COL17A1: variants seen among roughly 807,000 people sequenced by gnomAD.
COL17A1 encodes the protein collagen alpha-1(XVII) chain.
Under a neutral mutation model 218.4 loss-of-function variants are expected in COL17A1, and 181 were observed. The ratio of observed to expected loss-of-function variants is 0.83; its 90% CI spans 0.73 to 0.94. The LOEUF (loss-of-function observed/expected upper bound fraction) is 0.94. Ranked by LOEUF, COL17A1 falls within the 40% of genes least tolerant of loss-of-function variation. The pLI is 0.00. For missense variants in COL17A1, 1,924 were observed against 1,945.9 expected (o/e 0.99, Z 0.21); for synonymous variants, 721 against 731.0 (o/e 0.99, Z 0.22).
chr10:104,061,748 G>T (rs994772668), intron 12 of COL17A1, among the ~76,000 whole-genome samples: 1 of 152,150 alleles, frequency 6.6e-6, no homozygotes, highest in African/African-American at 2.4e-5. Context: ...CACCTGCTCT[G>T]CATGGCCTAT....
At chr10:104,040,959 G>C in intron 39 of COL17A1, 106 bp downstream of exon 39, 3 of 1,220,300 alleles carry the variant, frequency 2.5e-6, no homozygotes, top group Non-Finnish European at 2.4e-6. Flanking sequence ...GAAGTCAGGA[G>C]CAGGAAGCCT....
intron 15 of COL17A1, among the ~76,000 whole-genome samples, chr10:104,058,659 C>G (rs1291474343): frequency 6.6e-6 from 1 of 152,152 alleles, no homozygotes; most frequent in Non-Finnish European, 1.5e-5. Context: ...TTAGGCCAGG[C>G]ACGGTGACTC....
In COL17A1 at chr10:104,037,705, C is replaced by A; in HGVS notation, c.3139G>T (p.Val1047Phe). The A allele has an allele frequency of 6.2e-7, 1 of 1,614,182 alleles. No individual in the cohort carries two copies. Among genetic ancestry groups the A allele is most frequent in the African/African-American group, 1.3e-5 (1 of 75,042 alleles). Reference sequence around the variant, plus strand: ...AAAGTCTCGCCTGTGATGGTGGTGACAGGTCCTGGGGGACCAGGTGGGCCT... The same window carrying A: ...AAAGTCTCGCCTGTGATGGTGGTGAAAGGTCCTGGGGGACCAGGTGGGCCT... ...PPGPPGPPGP[V>F]TTITGETFDY... is the part of the protein sequence containing the mutation. Residue 1047 changes from valine (V) to phenylalanine (F), a missense_variant, in exon 46 of 56, where the codon GTC (valine) becomes TTC (phenylalanine). Physicochemically the swap from Val to Phe is conservative, Grantham distance 50. Transcript: ENST00000648076.
intron 33 of COL17A1, among the ~76,000 whole-genome samples, chr10:104,044,731 G>T (rs1334863875): frequency 6.6e-6 from 1 of 152,074 alleles, no homozygotes; most frequent in African/African-American, 2.4e-5. Context: ...TGTTGTCCAG[G>T]CAGGGTCTGA....
In COL17A1 at chr10:104,070,661, A is replaced by G. The variant is rs891430850; in HGVS notation, c.464-92T>C. The G allele has an allele frequency of 1.9e-6, 3 of 1,609,560 alleles. No individual in the cohort carries two copies. In the African/African-American group the frequency reaches 4.0e-5, roughly 21 times the overall value. ...GGGGAACATTTGTGGCATTCTGACT[A>G]CTGGGGAGAATGGCATCTGCCTCAC... is the stretch of plus-strand genomic sequence containing the variant. On this transcript the variant is annotated intron_variant, in intron 8 of 55. Coordinates refer to ENST00000648076, the MANE Select transcript of COL17A1 (RefSeq NM_000494.4).
Position 104,070,524 on chromosome 10 carries a change from G to C in COL17A1, c.509C>G (p.Ser170Trp), listed in dbSNP as rs763578030. The change falls in exon 9 of 56, where the codon TCG (serine) becomes TGG (tryptophan). Residue 170 changes from serine (S) to tryptophan (W), a missense_variant. Ser to Trp is a radical substitution (Grantham distance 177). Coordinates refer to ENST00000648076, the MANE Select transcript of COL17A1 (RefSeq NM_000494.4). ...ATTCCGGGTGGGGCTCACACTTGCC[G>C]ATCGACTCCCCTTGAGCAAACGCTT... is the stretch of plus-strand genomic sequence containing the variant. ...DVKRLLKGSR[S>W]ASVSPTRNSS... The C allele has an allele frequency of 1.1e-5, 17 of 1,614,066 alleles. No individual in the cohort carries two copies. Among genetic ancestry groups the C allele is most frequent in the Non-Finnish European group, 1.4e-5 (17 of 1,180,038 alleles).
In COL17A1 at chr10:104,073,316, C is replaced by T. The variant is rs2086683628; in HGVS notation, c.380-71G>A. On this transcript the variant is annotated intron_variant, in intron 6 of 55. Coordinates refer to ENST00000648076, the MANE Select transcript of COL17A1 (RefSeq NM_000494.4). ...ATGCTAAATACTTTTGACATGGAGG[C>T]AGATATATTTGGGGAGGGGTTACTT... The T allele has an allele frequency of 2.9e-6, 4 of 1,395,050 alleles. No homozygotes were observed. In the African/African-American group the frequency reaches 4.3e-5, roughly 15 times the overall value. 86.4% of individuals were successfully genotyped at this position (1,395,050 alleles called of 1,614,324 possible). A position where few individuals can be genotyped will look rare whatever the true frequency, so the allele number is the denominator to read the frequency against.
chr10:104,048,229 G>C (rs1414003738), intron 29 of COL17A1, 125 bp from the exon 30 acceptor site: 2 of 955,490 alleles, frequency 2.1e-6, no homozygotes, highest in Admixed American at 1.7e-5. Context: ...TCAGCCACGG[G>C]ACAGCCCTGT....
At position 104,070,537 on chromosome 10, in the gene COL17A1, T is replaced by C. The variant is rs755818917; in HGVS notation, c.496A>G (p.Lys166Glu). The C allele has an allele frequency of 6.2e-7, 1 of 1,614,196 alleles. No homozygotes were observed. The highest frequency in any genetic ancestry group is 8.5e-7 in the Non-Finnish European group (1 of 1,180,032). ...CTCACACTTGCCGATCGACTCCCCTTGAGCAAACGCTTAACATCATCCAAT... is the reference window on the plus strand; with the variant it reads ...CTCACACTTGCCGATCGACTCCCCTCGAGCAAACGCTTAACATCATCCAAT... ...TELDDVKRLL[K>E]GSRSASVSPT... The change falls in exon 9 of 56, where the codon AAG becomes GAG. Residue 166 changes from lysine to glutamate, a missense_variant. By Grantham distance (56) the Lys-to-Glu change is moderately conservative. Transcript: ENST00000648076.
intron 22 of COL17A1, among the ~76,000 whole-genome samples, chr10:104,053,366 C>T (rs1232500521): frequency 1.3e-5 from 2 of 152,178 alleles, no homozygotes; most frequent in Admixed American, 1.3e-4. Context: ...CTTCTCAACT[C>T]ACCCAGAGTC....
Position 104,064,546 on chromosome 10 carries a change from C to T in COL17A1, c.658G>A (p.Val220Met). 1 of 1,614,036 alleles carries T rather than the reference C, an allele frequency of 6.2e-7. No homozygotes were observed. The change falls in exon 10 of 56, where the codon GTG (valine) becomes ATG (methionine). Residue 220 changes from valine to methionine, a missense_variant. Coordinates refer to ENST00000648076, the MANE Select transcript of COL17A1 (RefSeq NM_000494.4). ...CCCGCGGGCAGGGTGGAGGACCACA[C>T]ATGGGAGGGAAGGTTGGCATCCAGG... ...TILDANLPSH[V>M]WSSTLPAGSS...
intron 13 of COL17A1, among the ~76,000 whole-genome samples, chr10:104,061,014 G>T (rs2086577471): frequency 2.0e-5 from 3 of 152,176 alleles, no homozygotes; most frequent in African/African-American, 7.2e-5. Context: ...TGAAATATGT[G>T]GACAAAGTTG....
At chr10:104,033,819 C>G (rs1238068571) in intron 52 of COL17A1, 126 bp downstream of exon 52, 36 of 1,420,152 alleles carry the variant, frequency 2.5e-5, no homozygotes, top group Non-Finnish European at 3.4e-5. Context: ...GGCTGCCTGT[C>G]CCCTCCAGCC....
At chr10:104,040,459 A>C (rs1213777279) in intron 39 of COL17A1, 49 bp from the exon 40 acceptor site, 1 of 1,277,624 alleles carries the variant, frequency 7.8e-7, no homozygotes, top group Non-Finnish European at 1.1e-6. Context: ...GTTTGTGAAG[A>C]AGCAGCACTT....
chr10:104,038,413 G>C lies in COL17A1; in HGVS notation c.3063C>G (p.Tyr1021Ter). The change falls in exon 45 of 56, where the codon TAC (tyrosine) becomes TAG (stop). Residue 1021 changes from tyrosine (Y) to a stop codon, truncating the protein, a stop_gained. Transcript: ENST00000648076. LOFTEE classifies it high-confidence loss of function. ...GQEIQQYISE[Y>*]MQSDSIRSYL... is the part of the protein sequence containing the mutation. ...CGGCGGCCAGCTACTCACTCTGCATGTACTCAGAGATGTACTGCTGAATCT... is the reference window on the plus strand; with the variant it reads ...CGGCGGCCAGCTACTCACTCTGCATCTACTCAGAGATGTACTGCTGAATCT... 1 of 1,613,874 alleles carries C rather than the reference G, an allele frequency of 6.2e-7. No individual in the cohort carries two copies. Among genetic ancestry groups the C allele is most frequent in the Non-Finnish European group, 8.5e-7 (1 of 1,180,002 alleles).
intron 13 of COL17A1, among the ~76,000 whole-genome samples, chr10:104,060,793 T>G (rs556581683): frequency 6.6e-6 from 1 of 152,250 alleles, no homozygotes; most frequent in Non-Finnish European, 1.5e-5. Flanking sequence ...GCATACTTTA[T>G]GTGTTTGTCG....
At chr10:104,041,576 C>G in intron 36 of COL17A1, 38 bp from the exon 37 acceptor site, 1 of 1,570,830 alleles carries the variant, frequency 6.4e-7, no homozygotes, top group Non-Finnish European at 8.8e-7. Context: ...CAAAAGCTGT[C>G]ACGAGGCTGC....
intron 45 of COL17A1, 35 bp downstream of exon 45, chr10:104,038,371 C>A (rs116846475): frequency 6.2e-7 from 1 of 1,613,260 alleles, no homozygotes; most frequent in Non-Finnish European, 8.5e-7. Context: ...TCTCCATGTT[C>A]TTGTCCCCAC....
intron 17 of COL17A1, among the ~76,000 whole-genome samples, chr10:104,056,395 A>C (rs199532517): frequency 6.6e-6 from 1 of 152,142 alleles, no homozygotes; most frequent in South Asian, 2.1e-4. Flanking sequence ...ATCCTGGCTA[A>C]CACAGTGAAA....
Sources: allele counts gnomAD v4.1 joint callset (sites outside exome capture counted in the v4.1 genomes callset), GRCh38; gene constraint gnomAD v4.1.1; transcripts MANE v1.5; gene names NCBI Gene and HGNC (gene_info 2026-07-23, HGNC 2026-07-21).